Variants in GRIP1 observed in about 807,000 individuals in gnomAD.
GRIP1 encodes glutamate receptor interacting protein 1.
In GRIP1, 45 loss-of-function variants were observed where a neutral mutation model predicts 129.9. The observed-to-expected ratio is 0.35, with a 90% CI of 0.27 to 0.44. GRIP1 has a LOEUF of 0.44. Among genes scored for constraint, GRIP1 ranks in the 20% least tolerant of loss-of-function variants. GRIP1 has a pLI of 1.00. For missense variants in GRIP1, 1,196 were observed against 1,396.8 expected (o/e 0.86, Z 2.29); for synonymous variants, 530 against 520.8 (o/e 1.02, Z -0.24).
At position 66,539,091 on chromosome 12, in the gene GRIP1, C is replaced by T. The variant is rs2061693401; in HGVS notation, c.405G>A (p.Glu135=). The change falls in exon 4 of 25, where the codon GAG becomes GAA. Residue 135 remains glutamate, a synonymous_variant. Coordinates refer to ENST00000359742, the MANE Select transcript of GRIP1 (RefSeq NM_001366722.1). ...GERVVLEVEY[E]LPPVSVQGSS... Reference sequence around the variant, plus strand: ...TACTGTACTTACAGACCGGTGGAAGCTCGTACTCTACTTCAAGAACCACTC... The same window carrying T: ...TACTGTACTTACAGACCGGTGGAAGTTCGTACTCTACTTCAAGAACCACTC... The T allele has an allele frequency of 1.2e-6, 2 of 1,613,818 alleles. No homozygotes were observed. Among genetic ancestry groups the T allele is most frequent in the African/African-American group, 1.3e-5 (1 of 74,898 alleles).
At chr12:67,029,719 C>G (rs1403462060) in intron 1 of GRIP1, among the ~76,000 whole-genome samples, 1 of 151,766 alleles carries the variant, frequency 6.6e-6, no homozygotes, top group Non-Finnish European at 1.5e-5. Flanking sequence ...AAAAATCCCA[C>G]AAAAGCAATA....
chr12:66,915,442 G>A (rs887966703), intron 1 of GRIP1, among the ~76,000 whole-genome samples: 20 of 152,174 alleles, frequency 1.3e-4, no homozygotes, highest in Non-Finnish European at 2.9e-5. Flanking sequence ...CAAAGAGCCA[G>A]CTAGCTTTAG....
At chr12:66,991,666 GATTT>G (rs1372304886) in intron 1 of GRIP1, among the ~76,000 whole-genome samples, 1 of 152,150 alleles carries the variant, frequency 6.6e-6, no homozygotes, top group African/African-American at 2.4e-5. Context: ...AAAGCCAAAT[GATTT>G]ATTAATAACA....
At chr12:66,689,606 CTG>C (rs1384095910) in intron 1 of GRIP1, among the ~76,000 whole-genome samples, 1 of 152,136 alleles carries the variant, frequency 6.6e-6, no homozygotes, top group Non-Finnish European at 1.5e-5. Flanking sequence ...TATATATACA[CTG>C]TTAAATGACC....
In GRIP1 at chr12:66,392,468, A is replaced by G; in HGVS notation, c.2304T>C (p.Ile768=). ...CCCCCAGGTCACTCAAATGGCTAGA[A>G]ATAGGGAACTTCTTGGGGCTCGATG... ...QSASSPKKFP[I]SSHLSDLGDV... is the part of the protein sequence containing the mutation. The change falls in exon 19 of 25, where the codon ATT becomes ATC. Residue 768 remains isoleucine, a synonymous_variant. Coordinates refer to ENST00000359742, the MANE Select transcript of GRIP1 (RefSeq NM_001366722.1). 1 of 1,614,154 alleles carries G rather than the reference A, an allele frequency of 6.2e-7. No individual in the cohort carries two copies. The highest frequency in any genetic ancestry group is 8.5e-7 in the Non-Finnish European group (1 of 1,180,002).
intron 1 of GRIP1, among the ~76,000 whole-genome samples, chr12:66,672,631 TGG>T (rs2034134933): frequency 6.6e-6 from 1 of 152,032 alleles, no homozygotes; most frequent in Non-Finnish European, 1.5e-5. Context: ...GGCAAAAAAG[TGG>T]TAAGAAACTA....
intron 1 of GRIP1, among the ~76,000 whole-genome samples, chr12:66,669,657 T>C (rs978617023): frequency 3.9e-5 from 6 of 152,158 alleles, no homozygotes; most frequent in African/African-American, 1.4e-4. Flanking sequence ...TGCTGGTAAA[T>C]GTTTAACAAG....
At chr12:66,863,248 G>A (rs1159419638) in intron 1 of GRIP1, among the ~76,000 whole-genome samples, 2 of 152,252 alleles carry the variant, frequency 1.3e-5, no homozygotes, top group African/African-American at 2.4e-5. Context: ...CATAGAGCAA[G>A]TATCTATTAA....
chr12:66,454,771 C>T (rs2058906462), intron 11 of GRIP1, among the ~76,000 whole-genome samples: 1 of 151,326 alleles, frequency 6.6e-6, no homozygotes, highest in East Asian at 1.9e-4. Flanking sequence ...AGCATCCTTC[C>T]AATCTTCCTT....
chr12:66,693,319 T>C (rs141232593), intron 1 of GRIP1, among the ~76,000 whole-genome samples: 13 of 152,334 alleles, frequency 8.5e-5, no homozygotes, highest in African/African-American at 3.1e-4. Context: ...TTTAAAGTTA[T>C]GGGTTTGTGG....
At chr12:66,359,475 C>A (rs1302184784) in intron 23 of GRIP1, among the ~76,000 whole-genome samples, 1 of 152,166 alleles carries the variant, frequency 6.6e-6, no homozygotes, top group Admixed American at 6.5e-5. Context: ...AGTACACCAA[C>A]CAAAGCATTA....
At chr12:66,475,011 C>T (rs1404794879) in intron 7 of GRIP1, among the ~76,000 whole-genome samples, 2 of 152,126 alleles carry the variant, frequency 1.3e-5, no homozygotes, top group Non-Finnish European at 2.9e-5. Context: ...GCTAAATGCT[C>T]CAATTAAAAG....
chr12:66,676,347 G>A (rs1328818553), intron 1 of GRIP1, among the ~76,000 whole-genome samples: 1 of 152,104 alleles, frequency 6.6e-6, no homozygotes, highest in Non-Finnish European at 1.5e-5. Context: ...AGAAAATTAA[G>A]AAGAAATTGC....
At chr12:66,806,182 T>C (rs2038989254), upstream of GRIP1, among the ~76,000 whole-genome samples, 1 of 152,252 alleles carries the variant, frequency 6.6e-6, no homozygotes, top group African/African-American at 2.4e-5. Flanking sequence ...ATTATACCTC[T>C]ATGGATGAGC....
intron 1 of GRIP1, among the ~76,000 whole-genome samples, chr12:66,785,401 G>T (rs1371372636): frequency 2.1e-5 from 3 of 142,540 alleles, no homozygotes; most frequent in Admixed American, 7.3e-5. Context: ...AGTCCCAGCT[G>T]CTCACGAGGC....
intron 24 of GRIP1, 95 bp from the exon 25 acceptor site, chr12:66,349,341 C>G (rs2054117821): frequency 2.1e-6 from 2 of 966,588 alleles, no homozygotes; most frequent in African/African-American, 1.6e-5. Flanking sequence ...TGTTTGAAGT[C>G]ATGAAGGTGC....
At chr12:66,837,582 G>T (rs1404092311) in intron 1 of GRIP1, among the ~76,000 whole-genome samples, 1 of 152,058 alleles carries the variant, frequency 6.6e-6, no homozygotes, top group East Asian at 1.9e-4. Flanking sequence ...GGCATATTAA[G>T]GAATTTATAT....
At chr12:66,452,003 ACTCT>A (rs2058821627) in intron 11 of GRIP1, among the ~76,000 whole-genome samples, 1 of 152,128 alleles carries the variant, frequency 6.6e-6, no homozygotes, top group Non-Finnish European at 1.5e-5. Flanking sequence ...TTTCAATGGC[ACTCT>A]CTCTAATAGT....
At chr12:66,834,313 G>A (rs1170667273) in intron 1 of GRIP1, among the ~76,000 whole-genome samples, 1 of 151,946 alleles carries the variant, frequency 6.6e-6, no homozygotes, top group Non-Finnish European at 1.5e-5. Context: ...CAGTTACTGA[G>A]TGGCAAAACC....
Sources: allele counts gnomAD v4.1 joint callset (sites outside exome capture counted in the v4.1 genomes callset), GRCh38; gene constraint gnomAD v4.1.1; transcripts MANE v1.5; gene names NCBI Gene and HGNC (gene_info 2026-07-23, HGNC 2026-07-21).